Variants in DHX29 observed in about 807,000 individuals in gnomAD.
DHX29 encodes the protein DExH-box helicase 29, also known as ATP-dependent RNA helicase DHX29.
In DHX29, 79 loss-of-function variants were observed where a neutral mutation model predicts 167.9. That is an observed-to-expected ratio of 0.47 (90% CI 0.39 to 0.57). The LOEUF is 0.57. Among genes scored for constraint, DHX29 ranks in the 20% least tolerant of loss-of-function variants. DHX29 has a pLI of 0.00. For synonymous variants in DHX29, 530 were observed against 546.0 expected (o/e 0.97, Z 0.41); for missense variants, 1,347 against 1,593.4 (o/e 0.85, Z 2.63).
intron 6 of DHX29, among the ~76,000 whole-genome samples, chr5:55,290,553 GA>G (rs1231564303): frequency 1.3e-5 from 2 of 152,130 alleles, no homozygotes; most frequent in African/African-American, 2.4e-5. Context: ...GACTGTAAAA[GA>G]AAAACTGGAA....
chr5:55,261,422 T>C lies in DHX29; in HGVS notation c.3906A>G (p.Ile1302Met), dbSNP rs778272281. 25 of 1,574,062 alleles carry C rather than the reference T, an allele frequency of 1.6e-5. No individual in the cohort carries two copies. Among genetic ancestry groups the C allele is most frequent in the Non-Finnish European group, 2.2e-5 (25 of 1,144,052 alleles). ...GAAGACGTTCTCGGTGCTGAACTTC[T>C]ATATCACCACCAAAAAGTAAAACTG... The part of the protein sequence containing the change: ...PFPVLLFGGD[I>M]EVQHRERLLS... Residue 1302 changes from isoleucine to methionine, a missense_variant, in exon 25 of 27, where the codon ATA becomes ATG. This residue lies in a region of DHX29 where 882 missense variants were observed against 1,082.4 expected (regional missense o/e 0.81). Transcript: ENST00000251636.
Position 55,283,218 on chromosome 5 carries a change from A to G in DHX29, c.1950T>C (p.Asn650=), listed in dbSNP as rs772673420. 14 of 1,589,220 alleles carry G rather than the reference A, an allele frequency of 8.8e-6. No homozygotes were observed. In the Middle Eastern group the frequency reaches 5.1e-4, roughly 57 times the overall value. The change falls in exon 11 of 27, where the codon AAT becomes AAC. Residue 650 remains asparagine (N), a synonymous_variant. Coordinates refer to ENST00000251636, the MANE Select transcript of DHX29 (RefSeq NM_019030.4). ...GACAGCTTACCCTTCCTCCAGGTCC[A>G]TTTTCACAGCCCAATTCATCACATA... is the stretch of plus-strand genomic sequence containing the variant. The part of the protein sequence containing the change: ...NRVCDELGCE[N]GPGGRNSLCG...
Position 55,285,377 on chromosome 5 carries a change from T to C in DHX29, c.1272A>G (p.Val424=), listed in dbSNP as rs755834114. The C allele has an allele frequency of 6.8e-6, 11 of 1,613,648 alleles. No homozygotes were observed. In the South Asian group the frequency reaches 9.9e-5, roughly 14 times the overall value. ...CATCTTCTGTTAAGATTGTAGGGCA[T>C]ACTACCAGGACATCATCTTCAGACT... ...VIKSEDDVLV[V]CPTILTEDGM... is the part of the protein sequence containing the mutation. The change falls in exon 10 of 27, where the codon GTA becomes GTG. Residue 424 remains valine, a synonymous_variant. Coordinates refer to ENST00000251636, the MANE Select transcript of DHX29 (RefSeq NM_019030.4).
chr5:55,278,165 T>G (rs1747218287), intron 12 of DHX29, among the ~76,000 whole-genome samples: 2 of 152,210 alleles, frequency 1.3e-5, no homozygotes, highest in African/African-American at 4.8e-5. Flanking sequence ...CTGTCAGAAC[T>G]TTAGTATCTG....
At chr5:55,266,184 A>C (rs1746557332) in intron 23 of DHX29, among the ~76,000 whole-genome samples, 1 of 151,360 alleles carries the variant, frequency 6.6e-6, no homozygotes, top group South Asian at 2.1e-4. Flanking sequence ...TTTTTAGTAG[A>C]GATGGGGTTT....
At position 55,267,815 on chromosome 5, in the gene DHX29, A is replaced by G; in HGVS notation, c.3302T>C (p.Leu1101Pro). Residue 1101 changes from leucine to proline, a missense_variant, in exon 22 of 27, where the codon CTA (leucine) becomes CCA (proline). Leu to Pro is a moderately conservative substitution (Grantham distance 98, BLOSUM62 -3). This residue lies in a region of DHX29 where 882 missense variants were observed against 1,082.4 expected (regional missense o/e 0.81). Transcript: ENST00000251636. ...IFGCLDPVAT[L>P]AAVMTEKSPF... ...AGACTTCTCTGTCATAACTGCAGCTAGTGTTGCCTATCCATAAATCATAAA... is the reference window on the plus strand; with the variant it reads ...AGACTTCTCTGTCATAACTGCAGCTGGTGTTGCCTATCCATAAATCATAAA... The G allele has an allele frequency of 6.3e-7, 1 of 1,594,100 alleles. No individual in the cohort carries two copies. Among genetic ancestry groups the G allele is most frequent in the Non-Finnish European group, 8.6e-7 (1 of 1,169,420 alleles).
chr5:55,267,754 T>C lies in DHX29; in HGVS notation c.3363A>G (p.Ala1121=). 1 of 1,609,806 alleles carries C rather than the reference T, an allele frequency of 6.2e-7. No homozygotes were observed. The highest frequency in any genetic ancestry group is 8.5e-7 in the Non-Finnish European group (1 of 1,177,880). ...TGGCCAAAGCTGATTTTGCAAGATC[T>C]GCTTCATCTTTTCGACCAATTGGTG... ...FTTPIGRKDE[A]DLAKSALAMA... The change falls in exon 22 of 27, where the codon GCA becomes GCG. Residue 1121 remains alanine, a synonymous_variant. Transcript: ENST00000251636.
intron 11 of DHX29, among the ~76,000 whole-genome samples, chr5:55,282,445 T>G (rs1209091998): frequency 6.6e-6 from 1 of 151,762 alleles, no homozygotes; most frequent in East Asian, 1.9e-4. Context: ...AAACCGTGCC[T>G]TTTTTTTCCT....
At chr5:55,292,728 A>G (rs536851709) in intron 6 of DHX29, among the ~76,000 whole-genome samples, 2 of 152,192 alleles carry the variant, frequency 1.3e-5, no homozygotes, top group African/African-American at 4.8e-5. Flanking sequence ...ATTTTTTACT[A>G]CTGAAAGACT....
intron 12 of DHX29, chr5:55,279,792 A>G (rs1180156994): frequency 1.3e-5 from 2 of 151,732 alleles, no homozygotes; most frequent in East Asian, 1.9e-4. Flanking sequence ...GCTGGTCTCA[A>G]ACTCCTGGGC....
intron 26 of DHX29, 27 bp downstream of exon 26, chr5:55,259,821 G>C (rs559925430): frequency 1.5e-6 from 2 of 1,321,970 alleles, no homozygotes; most frequent in African/African-American, 2.9e-5. Flanking sequence ...TGTGTATATG[G>C]TCTTTCACTT....
At chr5:55,300,454 CAT>C (rs1561171334) in intron 1 of DHX29, among the ~76,000 whole-genome samples, 1 of 152,196 alleles carries the variant, frequency 6.6e-6, no homozygotes, top group Non-Finnish European at 1.5e-5. Flanking sequence ...GGGCAGATCA[CAT>C]GAGGTCAGGA....
rs1361934132 is a variant in DHX29, at chr5:55,307,618, G to A, written c.-45C>T. The A allele has an allele frequency of 1.4e-5, 22 of 1,605,604 alleles. No individual in the cohort carries two copies. Among genetic ancestry groups the A allele is most frequent in the Non-Finnish European group, 1.9e-5 (22 of 1,176,916 alleles). On this transcript the variant is annotated 5_prime_UTR_variant, in exon 1 of 27. Coordinates refer to ENST00000251636, the MANE Select transcript of DHX29 (RefSeq NM_019030.4). ...ATCCTTCGCGGCCCAGGCCCCGACG[G>A]TACCACTGCACAGCCGAGAGCTCTT...
Position 55,285,393 on chromosome 5 carries a change from T to C in DHX29, c.1256A>G (p.Asp419Gly). 6.2e-7 allele frequency: 1 copy of C among 1,613,520 alleles called. No individual in the cohort carries two copies. The highest frequency in any genetic ancestry group is 8.5e-7 in the Non-Finnish European group (1 of 1,179,894). ...KCRVRVIKSE[D>G]DVLVVCPTIL... is the part of the protein sequence containing the mutation. ...TGTAGGGCATACTACCAGGACATCATCTTCAGACTTGATTACCCTAACCCT... is the reference window on the plus strand; with the variant it reads ...TGTAGGGCATACTACCAGGACATCACCTTCAGACTTGATTACCCTAACCCT... Residue 419 changes from aspartate (D) to glycine (G), a missense_variant, in exon 10 of 27, where the codon GAT becomes GGT. Physicochemically the swap from Asp to Gly is moderately conservative, Grantham distance 94 (BLOSUM62 -1). This residue lies in a region of DHX29 where 60 missense variants were observed against 94.2 expected (regional missense o/e 0.64). Coordinates refer to ENST00000251636, the MANE Select transcript of DHX29 (RefSeq NM_019030.4).
intron 12 of DHX29, among the ~76,000 whole-genome samples, chr5:55,278,430 A>G (rs796662419): frequency 6.6e-6 from 1 of 152,214 alleles, no homozygotes; most frequent in South Asian, 2.1e-4. Context: ...TATTTCTTCT[A>G]TAAAAGGAGA....
intron 6 of DHX29, among the ~76,000 whole-genome samples, chr5:55,291,981 C>T (rs1023410077): frequency 3.3e-5 from 5 of 152,116 alleles, no homozygotes; most frequent in Non-Finnish European, 7.4e-5. Flanking sequence ...CTGCTATGAA[C>T]ACAGTGTACA....
At chr5:55,289,915 T>C (rs1747948967) in intron 7 of DHX29, among the ~76,000 whole-genome samples, 1 of 152,220 alleles carries the variant, frequency 6.6e-6, no homozygotes, top group Admixed American at 6.5e-5. Flanking sequence ...TTTGGTGACA[T>C]GATACAATTA....
intron 16 of DHX29, 119 bp from the exon 17 acceptor site, chr5:55,273,496 A>C (rs1746951824): frequency 8.1e-7 from 1 of 1,236,908 alleles, no homozygotes; most frequent in Admixed American, 3.3e-5. Context: ...GAAAAAATTT[A>C]AACATACACA....
intron 5 of DHX29, 195 bp downstream of exon 5, chr5:55,295,184 G>C (rs1748251393): frequency 1.9e-6 from 1 of 527,704 alleles, no homozygotes; most frequent in African/African-American, 1.9e-5. Context: ...AGAAATAATA[G>C]TTGGTTTAAG....
Sources: allele counts gnomAD v4.1 joint callset (sites outside exome capture counted in the v4.1 genomes callset), GRCh38; gene constraint gnomAD v4.1.1; regional missense constraint gnomAD v4.1.1; transcripts MANE v1.5; gene names NCBI Gene and HGNC (gene_info 2026-07-23, HGNC 2026-07-21).